The following EYS variants were observed in gnomAD, a reference collection of about 807,000 sequenced individuals.
EYS encodes EGF-like photoreceptor maintenance factor, also known as protein eyes shut homolog.
A neutral mutation model predicts 282.1 loss-of-function variants in EYS; 250 were observed. The observed-to-expected ratio is 0.89, with a 90% confidence interval of 0.80 to 0.98. The LOEUF (loss-of-function observed/expected upper bound fraction) is 0.98, where lower values mean the gene tolerates loss of function less well. Among genes scored for constraint, EYS ranks in the 50% least tolerant of loss-of-function variants. The pLI, the probability that EYS is intolerant of heterozygous loss-of-function variation, is 0.00. For missense variants in EYS, 4,016 were observed against 3,709.0 expected, an observed-to-expected ratio of 1.08 and a Z score of -2.15; for synonymous variants, 1,355 against 1,282.9, an observed-to-expected ratio of 1.06 and a Z score of -1.20.
intron 30 of EYS, among the ~76,000 whole-genome samples, chr6:64,268,913 A>T (rs1767851764): frequency 6.6e-6 from 1 of 152,126 alleles, no homozygotes; most frequent in Non-Finnish European, 1.5e-5. Flanking sequence ...AGCAGGGGAT[A>T]CCGCAGGCAT....
chr6:65,133,036 G>A (rs1007771653), intron 12 of EYS, among the ~76,000 whole-genome samples: 1 of 151,802 alleles, frequency 6.6e-6, no homozygotes, highest in Non-Finnish European at 1.5e-5. Context: ...AATGAGAATT[G>A]CAAAACACTG....
At chr6:64,860,052 A>T (rs751249804) in intron 19 of EYS, among the ~76,000 whole-genome samples, 2 of 152,186 alleles carry the variant, frequency 1.3e-5, no homozygotes, top group Non-Finnish European at 2.9e-5. Flanking sequence ...CTTACTTTTA[A>T]AAAACATATT....
intron 2 of EYS, among the ~76,000 whole-genome samples, chr6:65,613,953 A>G (rs1766093483): frequency 6.6e-6 from 1 of 151,906 alleles, no homozygotes; most frequent in Non-Finnish European, 1.5e-5. Flanking sequence ...AAAGTTGGAA[A>G]CTTTTGCATA....
chr6:64,045,413 TTTTATTTTATTTTATTTTATTTTA>T (rs1382669560), intron 33 of EYS, among the ~76,000 whole-genome samples: 82 of 148,060 alleles, frequency 5.5e-4, no homozygotes, highest in African/African-American at 1.8e-3. Flanking sequence ...TTTTATTTTA[TTTTATTTTATTTTATTTTATTTTA>T]TTTATTTTAT....
intron 29 of EYS, among the ~76,000 whole-genome samples, chr6:64,323,130 C>G (rs1416977542): frequency 8.1e-6 from 1 of 123,904 alleles, no homozygotes; most frequent in Non-Finnish European, 1.7e-5. Flanking sequence ...GTTATTCAAC[C>G]ATTACTACAA....
chr6:64,703,382 G>GACACACACACACACACAC (rs1165808043), intron 22 of EYS, among the ~76,000 whole-genome samples: 4 of 35,892 alleles, frequency 1.1e-4, no homozygotes, highest in African/African-American at 2.3e-4. Context: ...CACACACACA[G>GACACACACACACACACAC]ACACACACAC....
chr6:64,715,986 G>A (rs1290609104), intron 22 of EYS, among the ~76,000 whole-genome samples: 2 of 152,132 alleles, frequency 1.3e-5, no homozygotes, highest in African/African-American at 2.4e-5. Flanking sequence ...TCTACCTTTA[G>A]AAAGTCACCT....
Position 64,475,273 on chromosome 6 carries a change from C to T in EYS, c.5645-35921G>A, listed in dbSNP as rs1297931463. Among the ~76,000 whole-genome samples the T allele has an allele frequency of 3.2e-4, 23 of 71,054 alleles. 3 individuals carry two copies. Among genetic ancestry groups the T allele is most frequent in the Non-Finnish European group, 6.0e-4 (18 of 29,974 alleles). The allele number at this position is 71,054 out of a possible 152,430, so 46.6% of individuals were successfully genotyped here. A position where few individuals can be genotyped will look rare whatever the true frequency, so the allele number is the denominator to read the frequency against. The stretch of plus-strand genomic sequence containing the variant: ...TGAATAGTAAATGAAAAGAAAAGGC[C>T]GGGCGCGGTGGCTCACGCCTGTAAT... On this transcript the variant is annotated intron_variant, in intron 26 of 42. Coordinates refer to ENST00000503581, the MANE Select transcript of EYS (RefSeq NM_001142800.2).
At chr6:64,153,778 C>A (rs964765843) in intron 31 of EYS, among the ~76,000 whole-genome samples, 1 of 152,168 alleles carries the variant, frequency 6.6e-6, no homozygotes, top group African/African-American at 2.4e-5. Flanking sequence ...TTTGATACAG[C>A]AATTTTACTT....
At chr6:64,779,876 G>C (rs963456743) in intron 22 of EYS, among the ~76,000 whole-genome samples, 1 of 152,130 alleles carries the variant, frequency 6.6e-6, no homozygotes, top group Non-Finnish European at 1.5e-5. Context: ...GGCTGGAACT[G>C]GTTTAGTAAT....
At chr6:65,627,014 CCTTT>C (rs67656600) in intron 2 of EYS, among the ~76,000 whole-genome samples, 31,173 of 151,482 alleles carry the variant, frequency 0.21, 3,252 homozygotes, top group East Asian at 0.32. Context: ...CTCTCTCTGC[CCTTT>C]CTTTCTTTCT....
At chr6:65,606,173 C>A (rs1468184592) in intron 2 of EYS, among the ~76,000 whole-genome samples, 1 of 151,366 alleles carries the variant, frequency 6.6e-6, no homozygotes, top group African/African-American at 2.4e-5. Flanking sequence ...AATAAGTATT[C>A]CTTACCTTCC....
chr6:64,783,653 A>G (rs1773930607), intron 22 of EYS, among the ~76,000 whole-genome samples: 1 of 152,150 alleles, frequency 6.6e-6, no homozygotes, highest in Non-Finnish European at 1.5e-5. Flanking sequence ...ATAATATTTC[A>G]ATGGCTATAC....
intron 12 of EYS, among the ~76,000 whole-genome samples, chr6:65,218,507 T>A (rs1047838288): frequency 6.6e-6 from 1 of 152,156 alleles, no homozygotes; most frequent in African/African-American, 2.4e-5. Context: ...GATGACAATG[T>A]ACCAGTTGTA....
chr6:64,552,742 C>CCG (rs1562057826), intron 26 of EYS, among the ~76,000 whole-genome samples: 1 of 149,722 alleles, frequency 6.7e-6, no homozygotes, highest in African/African-American at 2.5e-5. Context: ...GTGAACCCCC[C>CCG]CCACCATCTC....
intron 12 of EYS, among the ~76,000 whole-genome samples, chr6:65,226,209 C>T (rs1027309090): frequency 3.3e-5 from 5 of 151,994 alleles, no homozygotes; most frequent in East Asian, 1.9e-4. Context: ...CAATTGTGTA[C>T]GTATATACCA....
At chr6:63,877,083 G>A (rs1056905692) in intron 35 of EYS, among the ~76,000 whole-genome samples, 3 of 152,102 alleles carry the variant, frequency 2.0e-5, no homozygotes, top group Non-Finnish European at 2.9e-5. Flanking sequence ...TTACAATTTG[G>A]CATGATTTTG....
At chr6:64,581,476 G>C (rs1470042615) in intron 26 of EYS, among the ~76,000 whole-genome samples, 2 of 151,616 alleles carry the variant, frequency 1.3e-5, no homozygotes, top group Non-Finnish European at 2.9e-5. Flanking sequence ...ATCATTTTAT[G>C]GTATTTTATT....
At chr6:64,657,904 C>T (rs1768814450) in intron 22 of EYS, among the ~76,000 whole-genome samples, 1 of 152,112 alleles carries the variant, frequency 6.6e-6, no homozygotes. Flanking sequence ...ATTGGCCTGC[C>T]TTGCTAGATT....
Sources: allele counts gnomAD v4.1 joint callset (sites outside exome capture counted in the v4.1 genomes callset), GRCh38; gene constraint gnomAD v4.1.1; transcripts MANE v1.5; gene names NCBI Gene and HGNC (gene_info 2026-07-23, HGNC 2026-07-21).